The following DGKI variants were observed in gnomAD, a reference collection of about 807,000 sequenced individuals.
DGKI encodes the protein DAG kinase iota.
Under a neutral mutation model 147.5 loss-of-function variants are expected in DGKI, and 55 were observed. The observed-to-expected ratio is 0.37, with a 90% confidence interval of 0.30 to 0.47. DGKI has a LOEUF of 0.47. DGKI is among the 20% of genes least tolerant of loss of function. The probability of loss-of-function intolerance (pLI) is 1.00; values close to 1 mark genes in which losing one functional copy is unlikely to be tolerated. For missense variants in DGKI, 1,007 were observed against 1,323.8 expected, an observed-to-expected ratio of 0.76 and a Z score of 3.71; for synonymous variants, 469 against 477.1, an observed-to-expected ratio of 0.98 and a Z score of 0.22.
intron 10 of DGKI, among the ~76,000 whole-genome samples, chr7:137,606,680 A>G (rs900873390): frequency 3.3e-5 from 5 of 152,234 alleles, no homozygotes; most frequent in Admixed American, 2.6e-4. Flanking sequence ...AATATTTTAA[A>G]CAGCAAAAAA....
intron 20 of DGKI, among the ~76,000 whole-genome samples, chr7:137,546,912 C>G (rs1480247409): frequency 6.6e-6 from 1 of 152,156 alleles, no homozygotes; most frequent in African/African-American, 2.4e-5. Context: ...TTCTCAGCAG[C>G]CTAGGATGAT....
intron 21 of DGKI, among the ~76,000 whole-genome samples, chr7:137,515,000 C>T (rs1469682983): frequency 1.3e-5 from 2 of 152,136 alleles, no homozygotes; most frequent in East Asian, 3.9e-4. Flanking sequence ...CATGTGCTGA[C>T]CCTTTAAAAG....
At chr7:137,644,464 AT>A (rs1424948851) in intron 6 of DGKI, among the ~76,000 whole-genome samples, 1 of 152,064 alleles carries the variant, frequency 6.6e-6, no homozygotes, top group Non-Finnish European at 1.5e-5. Context: ...AATTAATGCA[AT>A]TTTTTCCAAG....
intron 27 of DGKI, among the ~76,000 whole-genome samples, chr7:137,453,626 C>T (rs1416817096): frequency 6.6e-6 from 1 of 152,118 alleles, no homozygotes; most frequent in East Asian, 1.9e-4. Flanking sequence ...ATTCTCTATT[C>T]AAGTGGTCAC....
In DGKI at chr7:137,582,994, A is replaced by G. The variant is rs1473421146; in HGVS notation, c.1564-1066T>C. Among the ~76,000 whole-genome samples, 7 of 152,292 alleles carry G rather than the reference A, an allele frequency of 4.6e-5. No homozygotes were observed. The East Asian group carries it at 1.3e-3, about 29-fold the overall frequency. On this transcript the variant is annotated intron_variant, in intron 14 of 32. Transcript: ENST00000614521. ...TTTTAACCCTCAAGATTTCAAAAGT[A>G]TGTTTTTTACAGTGCTTCATATGCC...
chr7:137,426,866 T>G (rs879650889), intron 28 of DGKI, among the ~76,000 whole-genome samples: 1 of 152,126 alleles, frequency 6.6e-6, no homozygotes, highest in African/African-American at 2.4e-5. Context: ...TAAATATGCA[T>G]GCACCCAATA....
rs1399923762 is a variant in DGKI at position 137,686,100 on chromosome 7, G to C, written c.510+3794C>G. On this transcript the variant is annotated intron_variant, in intron 2 of 32. Coordinates refer to ENST00000614521, the MANE Select transcript of DGKI (RefSeq NM_001321708.2). ...CATTGCCCCTCCTTTTAAGCAGCCT[G>C]AAATCTGACAGCCACAAATAAGAAA... 7.9e-5 allele frequency among the ~76,000 whole-genome samples: 12 copies of C among 152,154 alleles called. 1 individual carries two copies. Among genetic ancestry groups the C allele is most frequent in the Admixed American group, 7.9e-4 (12 of 15,270 alleles).
chr7:137,735,168 G>A (rs573963976), intron 1 of DGKI, among the ~76,000 whole-genome samples: 1 of 152,228 alleles, frequency 6.6e-6, no homozygotes, highest in East Asian at 1.9e-4. Context: ...CTTTAGGGGT[G>A]CCCTGTAACC....
rs2128952562 is a variant in DGKI at position 137,521,886 on chromosome 7, T to G, written c.2228A>C (p.Lys743Thr). 6.2e-7 allele frequency: 1 copy of G among 1,611,724 alleles called. No homozygotes were observed. The highest frequency in any genetic ancestry group is 8.5e-7 in the Non-Finnish European group (1 of 1,178,518). Residue 743 changes from lysine (K) to threonine (T), a missense_variant, in exon 21 of 33, where the codon AAG becomes ACG. Lys to Thr is a moderately conservative substitution (Grantham distance 78, BLOSUM62 -1). Around this residue, in one of 5 missense-constraint regions of DGKI, gnomAD observed 385 missense variants for 445.2 expected, o/e 0.86. Transcript: ENST00000614521. ...LQDYEGFHYDKEKLREASIPL... is the reference protein window; with the variant it reads ...LQDYEGFHYDTEKLREASIPL... ...CTTACAAGCTTCTCGGAGTTTCTCC[T>G]TGTCATAGTGGAATCCTTCATAGTC...
At chr7:137,804,530 G>A (rs1476532377) in intron 1 of DGKI, among the ~76,000 whole-genome samples, 1 of 152,118 alleles carries the variant, frequency 6.6e-6, no homozygotes, top group Non-Finnish European at 1.5e-5. Flanking sequence ...TTATCTGTAA[G>A]AACAAAGGCA....
intron 1 of DGKI, among the ~76,000 whole-genome samples, chr7:137,768,580 G>C (rs981665813): frequency 6.6e-6 from 1 of 152,120 alleles, no homozygotes; most frequent in Non-Finnish European, 1.5e-5. Flanking sequence ...GTAAGCAAAG[G>C]GCACATTTCC....
chr7:137,482,550 C>T (rs116765831), intron 23 of DGKI, among the ~76,000 whole-genome samples: 2,106 of 151,888 alleles, frequency 0.014, 45 homozygotes, highest in African/African-American at 0.048. Context: ...ACTCACCAAC[C>T]CCCTTGGATC....
At chr7:137,811,150 A>G (rs1312993301) in intron 1 of DGKI, among the ~76,000 whole-genome samples, 3 of 152,162 alleles carry the variant, frequency 2.0e-5, no homozygotes, top group Non-Finnish European at 4.4e-5. Flanking sequence ...TGGTTCTGTA[A>G]TAACACACGA....
At chr7:137,575,882 T>TCATAA (rs1300628059) in intron 17 of DGKI, among the ~76,000 whole-genome samples, 1 of 152,212 alleles carries the variant, frequency 6.6e-6, no homozygotes, top group African/African-American at 2.4e-5. Context: ...GAGATTCATG[T>TCATAA]CTTATACATG....
At chr7:137,499,974 T>A (rs142960557) in intron 21 of DGKI, among the ~76,000 whole-genome samples, 166 of 152,258 alleles carry the variant, frequency 1.1e-3, no homozygotes, top group African/African-American at 3.9e-3. Flanking sequence ...CATGCCGGCA[T>A]CCTGAGCTTG....
intron 21 of DGKI, among the ~76,000 whole-genome samples, chr7:137,516,816 G>A (rs1476033744): frequency 6.6e-6 from 1 of 151,916 alleles, no homozygotes; most frequent in African/African-American, 2.4e-5. Context: ...AAATTCAGTT[G>A]AGCTCAAATA....
intron 5 of DGKI, among the ~76,000 whole-genome samples, chr7:137,653,022 T>G (rs997558703): frequency 2.0e-5 from 3 of 152,160 alleles, no homozygotes; most frequent in African/African-American, 7.2e-5. Context: ...ACCTCACACT[T>G]CACAGTTCTA....
At chr7:137,507,445 T>C (rs1019674744) in intron 21 of DGKI, among the ~76,000 whole-genome samples, 11 of 152,178 alleles carry the variant, frequency 7.2e-5, no homozygotes, top group African/African-American at 2.7e-4. Flanking sequence ...TTTATCATGA[T>C]AGTATACTAC....
intron 1 of DGKI, among the ~76,000 whole-genome samples, chr7:137,796,581 C>T (rs1017798870): frequency 6.6e-6 from 1 of 151,500 alleles, no homozygotes; most frequent in Non-Finnish European, 1.5e-5. Context: ...AGAATGATGT[C>T]TCACCAAATA....
Sources: allele counts gnomAD v4.1 joint callset (sites outside exome capture counted in the v4.1 genomes callset), GRCh38; gene constraint gnomAD v4.1.1; regional missense constraint gnomAD v4.1.1; transcripts MANE v1.5; gene names NCBI Gene and HGNC (gene_info 2026-07-23, HGNC 2026-07-21).